PPP4R1: variants seen among roughly 807,000 people sequenced by gnomAD.
The protein encoded by PPP4R1 is protein phosphatase 4 regulatory subunit 1.
A neutral mutation model predicts 111.2 loss-of-function variants in PPP4R1; 42 were observed. That is an observed-to-expected ratio of 0.38 (90% CI 0.29 to 0.49). The LOEUF (loss-of-function observed/expected upper bound fraction) is 0.49, where lower values mean the gene tolerates loss of function less well. Among genes scored for constraint, PPP4R1 ranks in the 20% least tolerant of loss-of-function variants. The pLI, the probability that PPP4R1 is intolerant of heterozygous loss-of-function variation, is 0.97. For synonymous variants in PPP4R1, 409 were observed against 405.5 expected (o/e 1.01, Z -0.10); for missense variants, 1,012 against 1,161.6 (o/e 0.87, Z 1.87).
intron 9 of PPP4R1, among the ~76,000 whole-genome samples, chr18:9,578,348 A>G (rs1414281125): frequency 6.6e-6 from 1 of 152,102 alleles, no homozygotes; most frequent in Non-Finnish European, 1.5e-5. Context: ...TGATCTTCCA[A>G]CCTCAGCCTC....
chr18:9,596,445 T>C (rs1290405143), intron 2 of PPP4R1, among the ~76,000 whole-genome samples: 5 of 152,242 alleles, frequency 3.3e-5, no homozygotes, highest in Non-Finnish European at 7.3e-5. Context: ...GTTTTACTTA[T>C]AGTCTGTCTC....
chr18:9,609,043 T>C (rs2067532558), intron 2 of PPP4R1, among the ~76,000 whole-genome samples: 1 of 147,072 alleles, frequency 6.8e-6, no homozygotes, highest in South Asian at 2.1e-4. Flanking sequence ...CAAAGGGGTT[T>C]TTCTCTCTGT....
chr18:9,563,597 A>G (rs1403602408), intron 11 of PPP4R1, 47 bp from the exon 12 acceptor site: 1 of 1,462,346 alleles, frequency 6.8e-7, no homozygotes, highest in South Asian at 1.2e-5. Context: ...CACAATTGCA[A>G]TATTCTTACA....
At chr18:9,605,911 C>A (rs1368160847) in intron 2 of PPP4R1, among the ~76,000 whole-genome samples, 1 of 152,032 alleles carries the variant, frequency 6.6e-6, no homozygotes, top group Non-Finnish European at 1.5e-5. Context: ...CAAAGGTACA[C>A]CAAAAAATTA....
At chr18:9,554,020 T>C (rs2066529434) in intron 15 of PPP4R1, among the ~76,000 whole-genome samples, 1 of 152,220 alleles carries the variant, frequency 6.6e-6, no homozygotes, top group South Asian at 2.1e-4. Flanking sequence ...GGACAGAATG[T>C]GCTAGGAAGT....
chr18:9,578,900 A>T (rs1030240473), intron 9 of PPP4R1, among the ~76,000 whole-genome samples: 6 of 152,178 alleles, frequency 3.9e-5, no homozygotes, highest in African/African-American at 1.2e-4. Flanking sequence ...AATACTGTTA[A>T]ATCTCTGAGC....
chr18:9,599,153 T>C (rs1482250781), intron 2 of PPP4R1, among the ~76,000 whole-genome samples: 1 of 152,192 alleles, frequency 6.6e-6, no homozygotes, highest in Non-Finnish European at 1.5e-5. Context: ...AAATATATAT[T>C]GTGGGGTTCA....
intron 2 of PPP4R1, among the ~76,000 whole-genome samples, chr18:9,607,901 G>A (rs1260393757): frequency 3.3e-5 from 5 of 150,522 alleles, no homozygotes; most frequent in African/African-American, 1.2e-4. Context: ...TCCTGCCTCA[G>A]CCTCCCGAGT....
chr18:9,551,999 C>A (rs1598885964), intron 16 of PPP4R1: 1 of 152,514 alleles, frequency 6.6e-6, no homozygotes, highest in Non-Finnish European at 1.5e-5. Flanking sequence ...GATGGACTCA[C>A]ACCCCGGCAC....
At chr18:9,579,058 T>C (rs2066984247) in intron 9 of PPP4R1, among the ~76,000 whole-genome samples, 1 of 152,174 alleles carries the variant, frequency 6.6e-6, no homozygotes, top group South Asian at 2.1e-4. Flanking sequence ...ATCTACCTCC[T>C]TGATTTCACA....
At chr18:9,564,724 G>GTGTT (rs775990368) in intron 11 of PPP4R1, among the ~76,000 whole-genome samples, 1 of 50,832 alleles carries the variant, frequency 2.0e-5, no homozygotes, top group African/African-American at 7.0e-5. Context: ...GTGTGTGTGT[G>GTGTT]TGTGTGTGTG....
chr18:9,597,497 T>C (rs889641773), intron 2 of PPP4R1, among the ~76,000 whole-genome samples: 7 of 152,228 alleles, frequency 4.6e-5, no homozygotes, highest in African/African-American at 1.7e-4. Context: ...GTGAGGAAAC[T>C]AGTCGGTATT....
In PPP4R1 at chr18:9,559,569, T is replaced by C. The variant is rs755643200; in HGVS notation, c.1878A>G (p.Leu626=). 2 of 1,611,220 alleles carry C rather than the reference T, an allele frequency of 1.2e-6. No homozygotes were observed. The highest frequency in any genetic ancestry group is 1.1e-5 in the South Asian group (1 of 90,406). The change falls in exon 14 of 20, where the codon TTA becomes TTG. Residue 626 remains leucine, a synonymous_variant. Coordinates refer to ENST00000400556, the MANE Select transcript of PPP4R1 (RefSeq NM_001042388.3). ...GTGCACGAGAAGGGTCAGTCATAGA[T>C]AAATACTGATCTAACAACGCCTGAG... ...VVPQALLDQY[L]SMTDPSRAQT...
At chr18:9,610,681 G>A (rs1340392914) in intron 2 of PPP4R1, among the ~76,000 whole-genome samples, 2 of 151,892 alleles carry the variant, frequency 1.3e-5, no homozygotes, top group Non-Finnish European at 2.9e-5. Context: ...GGATGGTCTC[G>A]ATCTCCTGAC....
chr18:9,583,028 A>ATAAGTTAT, intron 9 of PPP4R1, 89 bp downstream of exon 9: 1 of 1,142,084 alleles, frequency 8.8e-7, no homozygotes. Context: ...ATCTTAAATT[A>ATAAGTTAT]TAAGTTATTT....
chr18:9,556,592 T>C, intron 15 of PPP4R1, among the ~76,000 whole-genome samples: 1 of 152,206 alleles, frequency 6.6e-6, no homozygotes, highest in East Asian at 1.9e-4. Context: ...ACAACAACAG[T>C]ACTCCAGGAG....
intron 6 of PPP4R1, among the ~76,000 whole-genome samples, chr18:9,586,584 C>T (rs1018558385): frequency 3.3e-5 from 5 of 151,778 alleles, no homozygotes; most frequent in African/African-American, 1.2e-4. Context: ...AACTGAGTAT[C>T]TAAAAATAAT....
At chr18:9,580,407 T>C (rs534605731) in intron 9 of PPP4R1, among the ~76,000 whole-genome samples, 2 of 151,140 alleles carry the variant, frequency 1.3e-5, no homozygotes, top group South Asian at 2.1e-4. Context: ...TGGAGTGCAA[T>C]GGCGCGATCT....
intron 4 of PPP4R1, among the ~76,000 whole-genome samples, chr18:9,592,026 C>T (rs1310477867): frequency 2.0e-5 from 3 of 152,150 alleles, no homozygotes; most frequent in African/African-American, 4.8e-5. Context: ...GTGGATATCA[C>T]GCCACTCTGC....
Sources: gnomAD v4.1 joint callset for allele counts (sites outside exome capture counted in the v4.1 genomes callset) on GRCh38, gnomAD v4.1.1 for gene constraint, MANE v1.5 for transcripts, NCBI Gene and HGNC (gene_info 2026-07-23, HGNC 2026-07-21) for gene names.